The following DNER variants were observed in gnomAD, a reference collection of about 807,000 sequenced individuals.
DNER encodes the protein delta and Notch-like epidermal growth factor-related receptor.
Under a neutral mutation model 78.2 loss-of-function variants are expected in DNER, and 33 were observed. The ratio of observed to expected loss-of-function variants is 0.42; its 90% confidence interval spans 0.32 to 0.56. The LOEUF (loss-of-function observed/expected upper bound fraction) is 0.56. Among genes scored for constraint, DNER ranks in the 20% least tolerant of loss-of-function variants. DNER has a pLI of 0.11. For synonymous variants in DNER, 417 were observed against 384.8 expected (o/e 1.08, Z -0.98); for missense variants, 918 against 975.3 (o/e 0.94, Z 0.78).
chr2:229,417,879 G>A (rs1693684313), intron 9 of DNER, among the ~76,000 whole-genome samples: 1 of 152,084 alleles, frequency 6.6e-6, no homozygotes, highest in Non-Finnish European at 1.5e-5. Flanking sequence ...AAAAGAAAGC[G>A]AGGATCCACA....
chr2:229,411,082 G>A (rs1693508897), intron 9 of DNER, among the ~76,000 whole-genome samples: 1 of 152,126 alleles, frequency 6.6e-6, no homozygotes, highest in Non-Finnish European at 1.5e-5. Context: ...GCCCAAAGAA[G>A]GAAGAAACTC....
rs1273703057 is a variant in DNER at position 229,442,106 on chromosome 2, A to C, written c.1486+5210T>G. ...TATTTTGGAATACAGAAAAGGAAGG[A>C]CATGAGGGCAGGATTAGGATCTGGA... On this transcript the variant is annotated intron_variant, in intron 8 of 12. Transcript: ENST00000341772. Among the ~76,000 whole-genome samples the C allele has an allele frequency of 2.6e-5, 4 of 152,336 alleles. No individual in the cohort carries two copies. In the East Asian group the frequency reaches 7.7e-4, roughly 29 times the overall value.
Position 229,446,639 on chromosome 2 carries a change from C to T in DNER, c.1486+677G>A, listed in dbSNP as rs1177785189. ...AACGAGAGGAAAGGGCTGCCCCGTG[C>T]ATTCCTTTCTGACTACACTAGTGGG... On this transcript the variant is annotated intron_variant, in intron 8 of 12. Transcript: ENST00000341772. 2.0e-5 allele frequency among the ~76,000 whole-genome samples: 3 copies of T among 152,222 alleles called. No individual in the cohort carries two copies. In the East Asian group the frequency reaches 5.8e-4, roughly 29 times the overall value.
chr2:229,414,618 A>G (rs1693602874), intron 9 of DNER, among the ~76,000 whole-genome samples: 1 of 152,042 alleles, frequency 6.6e-6, no homozygotes, highest in Non-Finnish European at 1.5e-5. Context: ...ACCCCCTTCA[A>G]CACATGGCTT....
intron 5 of DNER, among the ~76,000 whole-genome samples, chr2:229,530,875 G>T (rs58507449): frequency 0.019 from 2,925 of 152,288 alleles, 93 homozygotes; most frequent in African/African-American, 0.067. Context: ...AGATATGTGG[G>T]TGTAGGCCAA....
chr2:229,511,736 A>C (rs1458692231), intron 6 of DNER, among the ~76,000 whole-genome samples: 1 of 152,254 alleles, frequency 6.6e-6, no homozygotes, highest in Non-Finnish European at 1.5e-5. Flanking sequence ...ATACTTGTGG[A>C]ATTGTTTTTA....
chr2:229,408,897 T>C (rs1259095861), intron 9 of DNER, among the ~76,000 whole-genome samples: 2 of 152,156 alleles, frequency 1.3e-5, no homozygotes, highest in African/African-American at 2.4e-5. Flanking sequence ...TTCTGAAGTG[T>C]CTTTCAGATC....
At chr2:229,576,348 G>A (rs1197583938) in intron 4 of DNER, among the ~76,000 whole-genome samples, 1 of 80,442 alleles carries the variant, frequency 1.2e-5, no homozygotes, top group Non-Finnish European at 2.5e-5. Flanking sequence ...TTTTTTTTTT[G>A]GCATTTGATA....
At chr2:229,569,022 C>A (rs1249591499) in intron 4 of DNER, among the ~76,000 whole-genome samples, 1 of 151,614 alleles carries the variant, frequency 6.6e-6, no homozygotes, top group Non-Finnish European at 1.5e-5. Flanking sequence ...TCTCTGTATG[C>A]ATGTGCCTAT....
intron 6 of DNER, among the ~76,000 whole-genome samples, chr2:229,494,005 C>A (rs1033352280): frequency 6.6e-6 from 1 of 152,158 alleles, no homozygotes; most frequent in African/African-American, 2.4e-5. Flanking sequence ...GTTCATATAA[C>A]TTCGGGCAAT....
intron 11 of DNER, among the ~76,000 whole-genome samples, chr2:229,373,759 T>A (rs979991180): frequency 2.6e-5 from 4 of 151,994 alleles, no homozygotes; most frequent in Non-Finnish European, 5.9e-5. Context: ...CATGCAGCCA[T>A]AAAAAAAGAG....
intron 8 of DNER, among the ~76,000 whole-genome samples, chr2:229,439,269 C>T (rs756914468): frequency 7.2e-5 from 11 of 152,206 alleles, no homozygotes; most frequent in Non-Finnish European, 1.5e-4. Flanking sequence ...CCTTGAACCT[C>T]ATATAAAAAG....
chr2:229,372,402 G>A (rs1035685014), intron 11 of DNER, among the ~76,000 whole-genome samples: 22 of 152,186 alleles, frequency 1.4e-4, no homozygotes, highest in African/African-American at 4.6e-4. Flanking sequence ...AACCAGGGAC[G>A]GGCAAGAGCA....
chr2:229,476,167 T>C (rs1574860105), intron 7 of DNER, among the ~76,000 whole-genome samples: 1 of 152,120 alleles, frequency 6.6e-6, no homozygotes, highest in Non-Finnish European at 1.5e-5. Flanking sequence ...GCCCCCACCC[T>C]GGCCCCTGCT....
At chr2:229,486,900 G>C (rs540350693) in intron 6 of DNER, among the ~76,000 whole-genome samples, 12 of 152,166 alleles carry the variant, frequency 7.9e-5, no homozygotes, top group African/African-American at 2.7e-4. Flanking sequence ...AACTCTGGGG[G>C]TGGGGCCTGG....
At chr2:229,597,212 C>A (rs1033949380) in intron 1 of DNER, among the ~76,000 whole-genome samples, 1 of 152,174 alleles carries the variant, frequency 6.6e-6, no homozygotes, top group African/African-American at 2.4e-5. Context: ...ACTTCCTTGG[C>A]GTGTATATTA....
At chr2:229,560,656 A>G (rs1404474351) in intron 4 of DNER, among the ~76,000 whole-genome samples, 3 of 152,126 alleles carry the variant, frequency 2.0e-5, no homozygotes, top group Non-Finnish European at 2.9e-5. Context: ...GTGACTCAAT[A>G]CTTGTGGGCT....
At position 229,522,313 on chromosome 2, in the gene DNER, T is replaced by C. The variant is rs553466971; in HGVS notation, c.994-9377A>G. On this transcript the variant is annotated intron_variant, in intron 5 of 12. Transcript: ENST00000341772. ...TGTTCAAAAGCAGCTTCCAGCCATA[T>C]ACTGGCAACTCATGTGTTCTCAGCA... 1.6e-3 allele frequency among the ~76,000 whole-genome samples: 240 copies of C among 152,362 alleles called. 1 individual carries two copies. The highest frequency in any genetic ancestry group is 5.4e-3 in the African/African-American group (223 of 41,584).
At chr2:229,574,100 T>A (rs6724721) in intron 4 of DNER, among the ~76,000 whole-genome samples, 151,305 of 152,308 alleles carry the variant, frequency 0.99, 75,164 homozygotes, top group Middle Eastern at 1. Context: ...TTGATGGAAG[T>A]GGAGCAACAC....
Sources: allele counts gnomAD v4.1 joint callset (sites outside exome capture counted in the v4.1 genomes callset), GRCh38; gene constraint gnomAD v4.1.1; transcripts MANE v1.5; gene names NCBI Gene and HGNC (gene_info 2026-07-23, HGNC 2026-07-21).